The following ZNF138 variants were observed in gnomAD, a reference collection of about 807,000 sequenced individuals.
The protein encoded by ZNF138 is zinc finger protein 138.
Under a neutral mutation model 33.0 loss-of-function variants are expected in ZNF138, and 33 were observed. The observed-to-expected ratio is 1.00, with a 90% confidence interval of 0.76 to 1.34. The LOEUF (loss-of-function observed/expected upper bound fraction) is 1.34, where lower values mean the gene tolerates loss of function less well. Ranked by LOEUF, ZNF138 falls within the 40% of genes most tolerant of loss-of-function variation. The pLI, the probability that ZNF138 is intolerant of heterozygous loss-of-function variation, is 0.00. For synonymous variants in ZNF138, 139 were observed against 120.4 expected (o/e 1.15, Z -1.01); for missense variants, 360 against 370.8 (o/e 0.97, Z 0.24).
intron 3 of ZNF138, among the ~76,000 whole-genome samples, chr7:64,819,732 T>TA (rs1788959275): frequency 1.3e-4 from 1 of 7,964 alleles, no homozygotes; most frequent in South Asian, 0.045. Context: ...AAATTAATTG[T>TA]AAAAACTCAT....
At chr7:64,834,856 T>C (rs781672938), downstream of ZNF138, among the ~76,000 whole-genome samples, 6 of 152,208 alleles carry the variant, frequency 3.9e-5, no homozygotes, top group African/African-American at 7.2e-5. Context: ...TATATAATTT[T>C]ACTAATTGTA....
At chr7:64,814,762 C>CA (rs56168096) in intron 1 of ZNF138, among the ~76,000 whole-genome samples, 156 bp from the exon 2 acceptor site, 4,139 of 148,462 alleles carry the variant, frequency 0.028, 181 homozygotes, top group African/African-American at 0.095. Flanking sequence ...GACTCTGTCT[C>CA]AAAAAAAAAA....
At chr7:64,798,166 C>T (rs1369967810) in intron 1 of ZNF138, among the ~76,000 whole-genome samples, 1 of 152,160 alleles carries the variant, frequency 6.6e-6, no homozygotes, top group Non-Finnish European at 1.5e-5. Flanking sequence ...GTCTCAAACT[C>T]CTGACCTCAG....
intron 3 of ZNF138, among the ~76,000 whole-genome samples, chr7:64,827,239 G>A (rs564022512): frequency 2.2e-5 from 3 of 136,084 alleles, no homozygotes; most frequent in African/African-American, 8.7e-5. Context: ...ACTGTGCTTG[G>A]CCACCATGAA....
intron 1 of ZNF138, 103 bp downstream of exon 1, chr7:64,794,674 A>G: frequency 6.4e-7 from 1 of 1,553,800 alleles, no homozygotes; most frequent in East Asian, 2.3e-5. Context: ...AGTCGGCTGC[A>G]AAATCCGCGG....
chr7:64,802,963 G>C (rs942049830), intron 1 of ZNF138, among the ~76,000 whole-genome samples: 1 of 151,832 alleles, frequency 6.6e-6, no homozygotes, highest in African/African-American at 2.4e-5. Context: ...TGGCATGAGT[G>C]ACTATTTTTC....
At chr7:64,804,938 G>A (rs1009123019) in intron 1 of ZNF138, among the ~76,000 whole-genome samples, 5 of 152,160 alleles carry the variant, frequency 3.3e-5, no homozygotes, top group Admixed American at 1.3e-4. Flanking sequence ...TTCTCATGTC[G>A]AGAGTAGCGG....
the ZNF138 span, among the ~76,000 whole-genome samples, chr7:64,841,598 C>T: frequency 1.3e-5 from 2 of 152,138 alleles, no homozygotes; most frequent in South Asian, 4.1e-4. Context: ...TATTGCTGAA[C>T]CTAAAGAGAA....
Position 64,831,860 on chromosome 7 carries a change from G to C in ZNF138, c.618G>C (p.Trp206Cys). The C allele has an allele frequency of 1.2e-6, 2 of 1,613,804 alleles. No individual in the cohort carries two copies. The highest frequency in any genetic ancestry group is 1.7e-6 in the Non-Finnish European group (2 of 1,179,922). Residue 206 changes from tryptophan (W) to cysteine (C), a missense_variant, in exon 4 of 4, where the codon TGG becomes TGC. Coordinates refer to ENST00000307355, the MANE Select transcript of ZNF138 (RefSeq NM_001271639.2). ...AAGAGTGTGGAAAAACCTTTAACTG[G>C]TCCACAAACCTTTCTAAACCTAAGA... ...KCEECGKTFN[W>C]STNLSKPKKI...
the ZNF138 span, among the ~76,000 whole-genome samples, chr7:64,846,111 G>A: frequency 2.0e-4 from 30 of 152,094 alleles, no homozygotes; most frequent in African/African-American, 5.6e-4. Flanking sequence ...ATGCTGCTCC[G>A]TTGGCCTACG....
chr7:64,818,041 G>A (rs1167144234), intron 3 of ZNF138, among the ~76,000 whole-genome samples: 1 of 143,742 alleles, frequency 7.0e-6, no homozygotes, highest in Non-Finnish European at 1.5e-5. Context: ...CACCCAGGCT[G>A]GAGTGCAGCA....
intron 3 of ZNF138, among the ~76,000 whole-genome samples, chr7:64,818,609 G>C (rs541540144): frequency 6.6e-6 from 1 of 151,906 alleles, no homozygotes; most frequent in Non-Finnish European, 1.5e-5. Context: ...AATTAGCTGC[G>C]CATGGTGTCG....
In ZNF138 at chr7:64,831,933, G is replaced by A. The variant is rs373463490; in HGVS notation, c.691G>A (p.Ala231Thr). The A allele has an allele frequency of 6.2e-7, 1 of 1,613,516 alleles. No homozygotes were observed. Among genetic ancestry groups the A allele is most frequent in the Non-Finnish European group, 8.5e-7 (1 of 1,179,752 alleles). Residue 231 changes from alanine (A) to threonine (T), a missense_variant, in exon 4 of 4, where the codon GCC (alanine) becomes ACC (threonine). Coordinates refer to ENST00000307355, the MANE Select transcript of ZNF138 (RefSeq NM_001271639.2). The stretch of plus-strand genomic sequence containing the variant: ...CTACAAATGTGAAGTATGTGGAAAA[G>A]CCTTTCACCAATCCTCAATCCTTAC... ...KPYKCEVCGK[A>T]FHQSSILTKH...
the ZNF138 span, among the ~76,000 whole-genome samples, chr7:64,859,019 C>T: frequency 6.6e-6 from 1 of 152,144 alleles, no homozygotes. Flanking sequence ...CCTCCACCTC[C>T]TGGGTTCAAA....
chr7:64,803,752 A>T (rs533757122), intron 1 of ZNF138, among the ~76,000 whole-genome samples: 6 of 152,340 alleles, frequency 3.9e-5, no homozygotes, highest in Middle Eastern at 6.8e-3. Flanking sequence ...GACAATTTTT[A>T]AAAATCCTAT....
At chr7:64,811,903 TCCAAA>T (rs1219421711) in intron 1 of ZNF138, among the ~76,000 whole-genome samples, 2 of 152,104 alleles carry the variant, frequency 1.3e-5, no homozygotes, top group African/African-American at 4.8e-5. Context: ...ATAGGGTGAG[TCCAAA>T]ATCACCAAGT....
chr7:64,815,170 A>G (rs10236928), intron 2 of ZNF138, 126 bp downstream of exon 2: 943,558 of 1,001,284 alleles, frequency 0.94, 444,973 homozygotes, highest in South Asian at 0.98. Flanking sequence ...CTGTTTTCAA[A>G]AGAATCTTTG....
At chr7:64,818,880 G>A (rs1203528707) in intron 3 of ZNF138, among the ~76,000 whole-genome samples, 1 of 152,074 alleles carries the variant, frequency 6.6e-6, no homozygotes, top group African/African-American at 2.4e-5. Flanking sequence ...CCTTCCATGA[G>A]TACACAGTCA....
chr7:64,852,397 A>G, the ZNF138 span: 1 of 1,522,376 alleles, frequency 6.6e-7, no homozygotes. Context: ...GCTTAGATTA[A>G]GAGGTGGCCC....
Sources: allele counts gnomAD v4.1 joint callset (sites outside exome capture counted in the v4.1 genomes callset), GRCh38; gene constraint gnomAD v4.1.1; transcripts MANE v1.5; gene names NCBI Gene and HGNC (gene_info 2026-07-23, HGNC 2026-07-21).